ZDHHC14: variants seen among roughly 807,000 people sequenced by gnomAD.
ZDHHC14 encodes the protein zDHHC palmitoyltransferase 14.
A neutral mutation model predicts 47.7 loss-of-function variants in ZDHHC14; 16 were observed. That is an observed-to-expected ratio of 0.34 (90% CI 0.23 to 0.51). The LOEUF (loss-of-function observed/expected upper bound fraction) is 0.51, where lower values mean the gene tolerates loss of function less well. Ranked by LOEUF, ZDHHC14 falls within the 20% of genes least tolerant of loss-of-function variation. ZDHHC14 has a pLI of 0.97. For synonymous variants in ZDHHC14, 293 were observed against 278.9 expected (o/e 1.05, Z -0.50); for missense variants, 515 against 662.5 (o/e 0.78, Z 2.44).
At chr6:157,608,559 C>A (rs2114918614) in intron 3 of ZDHHC14, among the ~76,000 whole-genome samples, 1 of 152,282 alleles carries the variant, frequency 6.6e-6, no homozygotes, top group East Asian at 1.9e-4. Flanking sequence ...GGGAGGATGC[C>A]TGTGCTGAGC....
chr6:157,659,139 A>G (rs1778234125), intron 8 of ZDHHC14, among the ~76,000 whole-genome samples: 1 of 152,234 alleles, frequency 6.6e-6, no homozygotes, highest in African/African-American at 2.4e-5. Flanking sequence ...AGATGAGGGA[A>G]GCTTAAGGAC....
chr6:157,559,129 A>G (rs1313207608), intron 2 of ZDHHC14, among the ~76,000 whole-genome samples: 1 of 152,220 alleles, frequency 6.6e-6, no homozygotes, highest in East Asian at 1.9e-4. Flanking sequence ...CAATATTTTA[A>G]TAACTATTTG....
chr6:157,568,628 C>A (rs1036660583), intron 2 of ZDHHC14, among the ~76,000 whole-genome samples: 1 of 152,140 alleles, frequency 6.6e-6, no homozygotes, highest in South Asian at 2.1e-4. Flanking sequence ...TGAAAATTTC[C>A]TTAAGTCAAA....
At chr6:157,456,067 A>G (rs1778906174) in intron 1 of ZDHHC14, among the ~76,000 whole-genome samples, 4 of 152,078 alleles carry the variant, frequency 2.6e-5, no homozygotes, top group Non-Finnish European at 5.9e-5. Context: ...GAGTTCATTT[A>G]TGTTTGCAGA....
intron 1 of ZDHHC14, among the ~76,000 whole-genome samples, chr6:157,478,558 G>A (rs1308066647): frequency 6.6e-6 from 1 of 152,092 alleles, no homozygotes; most frequent in Non-Finnish European, 1.5e-5. Flanking sequence ...GACTGGATTG[G>A]CTTTCACTAG....
At chr6:157,442,788 C>T (rs937363581) in intron 1 of ZDHHC14, among the ~76,000 whole-genome samples, 6 of 152,230 alleles carry the variant, frequency 3.9e-5, no homozygotes, top group Admixed American at 6.5e-5. Flanking sequence ...TCAGCAGGTA[C>T]GCTCTTAGAG....
intron 5 of ZDHHC14, among the ~76,000 whole-genome samples, chr6:157,644,465 C>T (rs1433997836): frequency 2.0e-5 from 3 of 152,232 alleles, no homozygotes; most frequent in African/African-American, 2.4e-5. Context: ...TCCCCGCTAC[C>T]GTCTCCTTCT....
chr6:157,597,652 G>T (rs1035275554), intron 3 of ZDHHC14, among the ~76,000 whole-genome samples: 1 of 152,230 alleles, frequency 6.6e-6, no homozygotes, highest in Non-Finnish European at 1.5e-5. Context: ...TGCAGCCTGG[G>T]TCCCAGCCCT....
At chr6:157,420,948 G>C (rs947819001) in intron 1 of ZDHHC14, among the ~76,000 whole-genome samples, 1 of 152,190 alleles carries the variant, frequency 6.6e-6, no homozygotes, top group Non-Finnish European at 1.5e-5. Context: ...TGAGGTCTCA[G>C]ATGACCCCAC....
intron 1 of ZDHHC14, among the ~76,000 whole-genome samples, chr6:157,487,524 A>G (rs775901111): frequency 2.6e-5 from 4 of 152,220 alleles, no homozygotes; most frequent in African/African-American, 4.8e-5. Context: ...AATCCTCATG[A>G]CAACCCTCTT....
intron 2 of ZDHHC14, among the ~76,000 whole-genome samples, chr6:157,592,252 A>G (rs965295005): frequency 6.6e-6 from 1 of 152,008 alleles, no homozygotes; most frequent in Non-Finnish European, 1.5e-5. Flanking sequence ...TAAAAACTCC[A>G]CGTTTGTATT....
intron 2 of ZDHHC14, among the ~76,000 whole-genome samples, chr6:157,544,636 C>A (rs1295536866): frequency 2.0e-5 from 3 of 151,114 alleles, no homozygotes; most frequent in Non-Finnish European, 2.9e-5. Context: ...GGCAACAGAG[C>A]AAAACTCTGT....
intron 5 of ZDHHC14, among the ~76,000 whole-genome samples, chr6:157,639,553 C>T (rs1363293665): frequency 6.6e-6 from 1 of 152,188 alleles, no homozygotes; most frequent in African/African-American, 2.4e-5. Context: ...TGATCCACCT[C>T]GGCCTCCCAA....
chr6:157,647,397 A>G (rs1328617477), intron 7 of ZDHHC14, 29 bp downstream of exon 7: 10 of 1,573,156 alleles, frequency 6.4e-6, no homozygotes, highest in African/African-American at 5.4e-5. Context: ...CGTGCTCTTC[A>G]ACAGACCTTG....
rs527603892 is a variant in ZDHHC14 at position 157,513,690 on chromosome 6, A to G, written c.246-28895A>G. The stretch of plus-strand genomic sequence containing the variant: ...TACTATTTATATATTATATTCTGTT[A>G]TTATGTGTTGATTATGATATGATTG... On this transcript the variant is annotated intron_variant, in intron 1 of 8. Coordinates refer to ENST00000359775, the MANE Select transcript of ZDHHC14 (RefSeq NM_024630.3). Among the ~76,000 whole-genome samples the G allele has an allele frequency of 3.3e-5, 5 of 152,246 alleles. No homozygotes were observed. The East Asian group carries it at 7.7e-4, about 23-fold the overall frequency.
At chr6:157,434,963 T>C (rs1778410430) in intron 1 of ZDHHC14, among the ~76,000 whole-genome samples, 1 of 152,240 alleles carries the variant, frequency 6.6e-6, no homozygotes, top group African/African-American at 2.4e-5. Context: ...GAACACACTT[T>C]CTGGGTTTCT....
At chr6:157,611,977 G>C (rs1275209699) in intron 3 of ZDHHC14, among the ~76,000 whole-genome samples, 1 of 152,128 alleles carries the variant, frequency 6.6e-6, no homozygotes, top group Non-Finnish European at 1.5e-5. Flanking sequence ...TGCATATGCA[G>C]CTTCCCGCTG....
intron 1 of ZDHHC14, among the ~76,000 whole-genome samples, chr6:157,488,032 C>T (rs241589): frequency 0.023 from 3,546 of 152,256 alleles, 54 homozygotes; most frequent in Non-Finnish European, 0.035. Context: ...TTTCTACTCA[C>T]ATGCAGCCCA....
At chr6:157,471,439 C>A (rs1779353351) in intron 1 of ZDHHC14, among the ~76,000 whole-genome samples, 1 of 152,162 alleles carries the variant, frequency 6.6e-6, no homozygotes, top group South Asian at 2.1e-4. Context: ...CCCTCCCCAT[C>A]CAGAACCCCC....
Sources: gnomAD v4.1 joint callset for allele counts (sites outside exome capture counted in the v4.1 genomes callset) on GRCh38, gnomAD v4.1.1 for gene constraint, MANE v1.5 for transcripts, NCBI Gene and HGNC (gene_info 2026-07-23, HGNC 2026-07-21) for gene names.